The following RASGRP3 variants were observed in gnomAD, a reference collection of about 807,000 sequenced individuals.
RASGRP3 encodes RAS guanyl releasing protein 3, also known as ras guanyl-releasing protein 3.
In RASGRP3, 54 loss-of-function variants were observed where a neutral mutation model predicts 82.7. The ratio of observed to expected loss-of-function variants is 0.65; its 90% CI spans 0.52 to 0.82. The LOEUF (loss-of-function observed/expected upper bound fraction) is 0.82, where lower values mean the gene tolerates loss of function less well. Ranked by LOEUF, RASGRP3 falls within the 40% of genes least tolerant of loss-of-function variation. The pLI is 0.00. For missense variants in RASGRP3, 861 were observed against 828.9 expected (o/e 1.04, Z -0.48); for synonymous variants, 309 against 300.5 (o/e 1.03, Z -0.29).
At chr2:33,496,867 C>G (rs886946646) in intron 1 of RASGRP3, among the ~76,000 whole-genome samples, 2 of 152,000 alleles carry the variant, frequency 1.3e-5, no homozygotes, top group Non-Finnish European at 2.9e-5. Context: ...AAAAAGAAAA[C>G]AAAACAAACC....
At chr2:33,440,789 A>G (rs1377878731) in intron 1 of RASGRP3, among the ~76,000 whole-genome samples, 1 of 152,004 alleles carries the variant, frequency 6.6e-6, no homozygotes, top group Admixed American at 6.5e-5. Context: ...CTTTTTTTGT[A>G]TGACATGTGT....
At chr2:33,466,247 C>T (rs1325520840) in intron 2 of RASGRP3, among the ~76,000 whole-genome samples, 2 of 152,160 alleles carry the variant, frequency 1.3e-5, no homozygotes, top group African/African-American at 2.4e-5. Flanking sequence ...AATTGAAATC[C>T]TTCTGGAAAG....
intron 13 of RASGRP3, among the ~76,000 whole-genome samples, chr2:33,547,071 AAAAGAG>A (rs981534838): frequency 2.1e-5 from 3 of 139,906 alleles, no homozygotes; most frequent in African/African-American, 8.4e-5. Context: ...AAAAAAAAAA[AAAAGAG>A]AGAGAGAATG....
chr2:33,498,463 A>G (rs538330178), intron 1 of RASGRP3, among the ~76,000 whole-genome samples: 1 of 152,360 alleles, frequency 6.6e-6, no homozygotes, highest in South Asian at 2.1e-4. Flanking sequence ...GTGTAAGGCC[A>G]GCAAGGAAGG....
intron 6 of RASGRP3, 70 bp from the exon 7 acceptor site, chr2:33,521,885 G>GTA (rs1574412292): frequency 6.5e-7 from 1 of 1,527,740 alleles, no homozygotes; most frequent in African/African-American, 1.4e-5. Flanking sequence ...TGCAGAGTCA[G>GTA]TAGGTTAATA....
At chr2:33,449,727 C>T (rs1558395006) in intron 2 of RASGRP3, among the ~76,000 whole-genome samples, 1 of 151,908 alleles carries the variant, frequency 6.6e-6, no homozygotes, top group Non-Finnish European at 1.5e-5. Context: ...CCACTGCACT[C>T]CAGCCTGGTG....
chr2:33,542,269 C>T lies in RASGRP3; in HGVS notation c.1279-1243C>T, dbSNP rs189427214. On this transcript the variant is annotated intron_variant, in intron 12 of 17. Transcript: ENST00000403687. ...ACTTTTTGATAAATTCCTATACATACATGGGTTTGTTTCAGGACTCCACTC... is the reference window on the plus strand; with the variant it reads ...ACTTTTTGATAAATTCCTATACATATATGGGTTTGTTTCAGGACTCCACTC... 9.5e-4 allele frequency among the ~76,000 whole-genome samples: 140 copies of T among 146,736 alleles called. 2 individuals are homozygous for T. The highest frequency in any genetic ancestry group is 3.4e-3 in the African/African-American group (138 of 41,170).
At chr2:33,541,828 C>T (rs1178427455) in intron 12 of RASGRP3, among the ~76,000 whole-genome samples, 2 of 147,282 alleles carry the variant, frequency 1.4e-5, no homozygotes, top group Admixed American at 7.0e-5. Context: ...TTCTTTATGG[C>T]TTCTGACATT....
chr2:33,495,942 A>ATTGTG (rs1442938968), intron 1 of RASGRP3, among the ~76,000 whole-genome samples: 2 of 152,196 alleles, frequency 1.3e-5, no homozygotes, highest in Non-Finnish European at 2.9e-5. Flanking sequence ...CCTCATGGGG[A>ATTGTG]TGCAGCCCTA....
At chr2:33,473,152 G>C (rs1308045398), upstream of RASGRP3, among the ~76,000 whole-genome samples, 3 of 152,104 alleles carry the variant, frequency 2.0e-5, no homozygotes, top group African/African-American at 7.2e-5. Context: ...CATGAGGTCA[G>C]GAGATGGAGA....
At chr2:33,562,329 A>G (rs1231039241) in intron 17 of RASGRP3, among the ~76,000 whole-genome samples, 1 of 146,292 alleles carries the variant, frequency 6.8e-6, no homozygotes, top group Admixed American at 7.0e-5. Flanking sequence ...CTGCAGTGGT[A>G]CAGTCATAGC....
rs770765586 is a variant in RASGRP3 at position 33,527,417 on chromosome 2, GT to G, written c.1083+7del. ...GATTTGATCAACCTGCTCACGGTGA[GT>G]TCCAAGGAGCCAAGTTTGGGCTCAA... On this transcript the variant is annotated splice_donor_region_variant and intron_variant, in intron 10 of 17. Transcript: ENST00000403687. The G allele has an allele frequency of 3.9e-5, 62 of 1,605,066 alleles. No individual in the cohort carries two copies. Among genetic ancestry groups the G allele is most frequent in the Non-Finnish European group, 5.3e-5 (62 of 1,173,036 alleles).
At chr2:33,495,566 AATG>A (rs1669233298) in intron 1 of RASGRP3, among the ~76,000 whole-genome samples, 1 of 152,028 alleles carries the variant, frequency 6.6e-6, no homozygotes. Context: ...AAGATATTAT[AATG>A]ATGTAATGAG....
At chr2:33,513,163 G>A (rs1289566706) in intron 2 of RASGRP3, among the ~76,000 whole-genome samples, 1 of 152,204 alleles carries the variant, frequency 6.6e-6, no homozygotes, top group Non-Finnish European at 1.5e-5. Flanking sequence ...CGTTTCTGCT[G>A]TTTTTATTGA....
At chr2:33,498,946 G>T (rs1322796976) in intron 1 of RASGRP3, among the ~76,000 whole-genome samples, 1 of 151,996 alleles carries the variant, frequency 6.6e-6, no homozygotes, top group Admixed American at 6.6e-5. Flanking sequence ...AGACAAGAAA[G>T]TGACTGGAGA....
intron 1 of RASGRP3, among the ~76,000 whole-genome samples, chr2:33,504,777 G>A (rs1302907277): frequency 1.3e-5 from 2 of 152,228 alleles, no homozygotes; most frequent in African/African-American, 4.8e-5. Flanking sequence ...CTTTTGTGTA[G>A]ATTCTGTCCT....
chr2:33,547,149 G>A (rs771340714), intron 13 of RASGRP3, among the ~76,000 whole-genome samples: 2 of 150,952 alleles, frequency 1.3e-5, no homozygotes, highest in Non-Finnish European at 2.9e-5. Context: ...GCAAACTAAC[G>A]CAGGAACAGA....
In RASGRP3 at chr2:33,525,068, G is replaced by A. The variant is rs1346171398; in HGVS notation, c.807+520G>A. On this transcript the variant is annotated intron_variant, in intron 9 of 17. Coordinates refer to ENST00000403687, the MANE Select transcript of RASGRP3 (RefSeq NM_001139488.2). ...TGCACTCCAACCTGGGCGATAGAGCGAGACTCCATCTCAAAAAAAAAAAAA... is the reference window on the plus strand; with the variant it reads ...TGCACTCCAACCTGGGCGATAGAGCAAGACTCCATCTCAAAAAAAAAAAAA... Among the ~76,000 whole-genome samples the A allele has an allele frequency of 6.9e-5, 9 of 131,144 alleles. No individual in the cohort carries two copies. The East Asian group carries it at 1.5e-3, about 21-fold the overall frequency. The allele number at this position is 131,144 out of a possible 152,430, so 86.0% of individuals were successfully genotyped here. A position where few individuals can be genotyped will look rare whatever the true frequency, so the allele number is the denominator to read the frequency against.
chr2:33,503,686 C>T (rs1370625581), intron 1 of RASGRP3, among the ~76,000 whole-genome samples: 5 of 151,984 alleles, frequency 3.3e-5, no homozygotes, highest in African/African-American at 1.2e-4. Flanking sequence ...CAAACTGAGA[C>T]ATTACCATCC....
Sources: allele counts gnomAD v4.1 joint callset (sites outside exome capture counted in the v4.1 genomes callset), GRCh38; gene constraint gnomAD v4.1.1; transcripts MANE v1.5; gene names NCBI Gene and HGNC (gene_info 2026-07-23, HGNC 2026-07-21).